Variants in NCK2 observed in about 807,000 individuals in gnomAD.
NCK2 encodes cytoplasmic protein NCK2.
In NCK2, 16 loss-of-function variants were observed where a neutral mutation model predicts 33.9. That is an observed-to-expected ratio of 0.47 (90% confidence interval 0.32 to 0.72). The LOEUF is 0.72. NCK2 is among the 30% of genes least tolerant of loss of function. The pLI, the probability that NCK2 is intolerant of heterozygous loss-of-function variation, is 0.03. For missense variants in NCK2, 418 were observed against 537.3 expected (o/e 0.78, Z 2.19); for synonymous variants, 273 against 239.9 (o/e 1.14, Z -1.27).
chr2:105,751,197 G>A (rs569990231), intron 1 of NCK2, among the ~76,000 whole-genome samples: 14 of 152,120 alleles, frequency 9.2e-5, no homozygotes, highest in Admixed American at 7.9e-4. Flanking sequence ...CAACCTGCCC[G>A]CCTTCTCAGT....
At chr2:105,860,101 A>T (rs939125585) in intron 3 of NCK2, among the ~76,000 whole-genome samples, 3 of 152,168 alleles carry the variant, frequency 2.0e-5, no homozygotes, top group Non-Finnish European at 4.4e-5. Flanking sequence ...CCTGGGGAAC[A>T]TAGCAAGACT....
chr2:105,887,734 CAAT>C (rs1217161718), intron 4 of NCK2, among the ~76,000 whole-genome samples: 4 of 152,010 alleles, frequency 2.6e-5, no homozygotes, highest in Non-Finnish European at 4.4e-5. Context: ...TATGAGAAAA[CAAT>C]GATTAAATCT....
intron 1 of NCK2, among the ~76,000 whole-genome samples, chr2:105,760,570 C>G (rs1689736250): frequency 6.6e-6 from 1 of 152,208 alleles, no homozygotes; most frequent in African/African-American, 2.4e-5. Context: ...ACTTCTCCCA[C>G]AGTTTTGACC....
At chr2:105,801,040 T>A (rs1674815002) in intron 1 of NCK2, among the ~76,000 whole-genome samples, 1 of 152,202 alleles carries the variant, frequency 6.6e-6, no homozygotes, top group Non-Finnish European at 1.5e-5. Context: ...AAGAGATACT[T>A]AAACAGGTTA....
chr2:105,779,787 C>T (rs1450055434), intron 1 of NCK2, among the ~76,000 whole-genome samples: 2 of 152,152 alleles, frequency 1.3e-5, no homozygotes, highest in African/African-American at 2.4e-5. Context: ...TAGTAATTCC[C>T]TAGCAGAAAT....
At chr2:105,764,220 C>A (rs1689859655) in intron 1 of NCK2, among the ~76,000 whole-genome samples, 1 of 152,206 alleles carries the variant, frequency 6.6e-6, no homozygotes, top group Admixed American at 6.5e-5. Context: ...CACCTGCTGG[C>A]CTTCAGCACC....
chr2:105,776,998 G>A (rs369016881), intron 1 of NCK2, among the ~76,000 whole-genome samples: 3 of 151,586 alleles, frequency 2.0e-5, no homozygotes, highest in African/African-American at 7.3e-5. Context: ...ACAGCCAAAG[G>A]CATCTTCCCC....
At chr2:105,802,831 AC>A (rs1674892918) in intron 1 of NCK2, among the ~76,000 whole-genome samples, 1 of 151,494 alleles carries the variant, frequency 6.6e-6, no homozygotes, top group Non-Finnish European at 1.5e-5. Flanking sequence ...ATGGATGATG[AC>A]TGATCATCTG....
intron 2 of NCK2, among the ~76,000 whole-genome samples, chr2:105,850,896 A>G (rs1196760707): frequency 6.6e-6 from 1 of 152,200 alleles, no homozygotes; most frequent in African/African-American, 2.4e-5. Flanking sequence ...ATCCTGCACC[A>G]TAGCAAATTA....
chr2:105,858,570 T>G (rs147462926), intron 3 of NCK2, among the ~76,000 whole-genome samples: 1 of 152,318 alleles, frequency 6.6e-6, no homozygotes, highest in African/African-American at 2.4e-5. Context: ...TAAGATTCCT[T>G]CCTGCTTTGG....
chr2:105,774,807 C>A (rs1222797019), intron 1 of NCK2, among the ~76,000 whole-genome samples: 1 of 152,110 alleles, frequency 6.6e-6, no homozygotes, highest in Admixed American at 6.6e-5. Context: ...TACTGGGTAT[C>A]ATCTATAAAG....
chr2:105,893,293 T>C lies in NCK2; in HGVS notation c.*117T>C. On this transcript the variant is annotated 3_prime_UTR_variant, in exon 5 of 5. Coordinates refer to ENST00000233154, the MANE Select transcript of NCK2 (RefSeq NM_003581.5). ...CGACGGCTTCTCTGCGAGTCTCTCTTTATGTTCAGGTCGCTTGGTCGGTTC... is the reference window on the plus strand; with the variant it reads ...CGACGGCTTCTCTGCGAGTCTCTCTCTATGTTCAGGTCGCTTGGTCGGTTC... 1 of 1,041,474 alleles carries C rather than the reference T, an allele frequency of 9.6e-7. No homozygotes were observed. Among genetic ancestry groups the C allele is most frequent in the Non-Finnish European group, 1.4e-6 (1 of 737,002 alleles). 64.5% of individuals were successfully genotyped at this position (1,041,474 alleles called of 1,614,324 possible).
At chr2:105,831,997 A>G (rs1573173364) in intron 2 of NCK2, among the ~76,000 whole-genome samples, 1 of 152,188 alleles carries the variant, frequency 6.6e-6, no homozygotes. Flanking sequence ...GGTCATTAAC[A>G]TGGGATATCT....
chr2:105,810,641 G>C (rs1675259772), intron 1 of NCK2, among the ~76,000 whole-genome samples: 1 of 152,192 alleles, frequency 6.6e-6, no homozygotes, highest in Non-Finnish European at 1.5e-5. Flanking sequence ...TGTATAGCAA[G>C]GTTTTTATGT....
intron 1 of NCK2, among the ~76,000 whole-genome samples, chr2:105,759,218 A>G (rs1689685898): frequency 1.3e-5 from 2 of 152,316 alleles, no homozygotes; most frequent in South Asian, 4.1e-4. Flanking sequence ...TCAAGGGAGC[A>G]AGATTTTTTG....
intron 2 of NCK2, among the ~76,000 whole-genome samples, chr2:105,833,657 ATTT>A: frequency 6.9e-6 from 1 of 144,248 alleles, no homozygotes; most frequent in African/African-American, 2.4e-5. Context: ...TATTTAATTG[ATTT>A]TTTGCATTTT....
intron 2 of NCK2, among the ~76,000 whole-genome samples, chr2:105,843,631 T>C (rs1676735048): frequency 6.6e-6 from 1 of 152,140 alleles, no homozygotes; most frequent in Admixed American, 6.5e-5. Flanking sequence ...AGGGACACAG[T>C]AGCCAGCTGA....
At chr2:105,811,823 C>G (rs1344046553) in intron 1 of NCK2, among the ~76,000 whole-genome samples, 3 of 152,168 alleles carry the variant, frequency 2.0e-5, no homozygotes, top group Non-Finnish European at 1.5e-5. Flanking sequence ...CCTGGTGCCT[C>G]CCCTAGTACA....
At chr2:105,777,818 T>G (rs961844736) in intron 1 of NCK2, among the ~76,000 whole-genome samples, 5 of 152,136 alleles carry the variant, frequency 3.3e-5, no homozygotes, top group African/African-American at 1.2e-4. Flanking sequence ...ACGTGCATCT[T>G]GAAAATGCCG....
Sources: gnomAD v4.1 joint callset for allele counts (sites outside exome capture counted in the v4.1 genomes callset) on GRCh38, gnomAD v4.1.1 for gene constraint, MANE v1.5 for transcripts, NCBI Gene and HGNC (gene_info 2026-07-23, HGNC 2026-07-21) for gene names.